The following POC1A variants were observed in gnomAD, a reference collection of about 807,000 sequenced individuals.
POC1A encodes the protein POC1 centriolar protein homolog A.
A neutral mutation model predicts 47.8 loss-of-function variants in POC1A; 34 were observed. The observed-to-expected ratio is 0.71, with a 90% CI of 0.54 to 0.95. The LOEUF is 0.95. Ranked by LOEUF, POC1A falls within the 40% of genes least tolerant of loss-of-function variation. The probability of loss-of-function intolerance (pLI) is 0.00; values close to 1 mark genes in which losing one functional copy is unlikely to be tolerated. For synonymous variants in POC1A, 177 were observed against 207.6 expected, an observed-to-expected ratio of 0.85 and a Z score of 1.27; for missense variants, 466 against 528.3, an observed-to-expected ratio of 0.88 and a Z score of 1.16.
Position 52,075,860 on chromosome 3 carries a change from C to T in POC1A, c.*27G>A, listed in dbSNP as rs755638645. On this transcript the variant is annotated 3_prime_UTR_variant, in exon 11 of 11. Coordinates refer to ENST00000296484, the MANE Select transcript of POC1A (RefSeq NM_015426.5). Reference sequence around the variant, plus strand: ...CCCTGGCCTGCCACCTGCAAATCCACCGAGCTCCTGATTCCTGCTCCCCTG... The same window carrying T: ...CCCTGGCCTGCCACCTGCAAATCCATCGAGCTCCTGATTCCTGCTCCCCTG... 8 of 1,561,154 alleles carry T rather than the reference C, an allele frequency of 5.1e-6. No homozygotes were observed. The South Asian group carries it at 7.8e-5, about 15-fold the overall frequency.
In POC1A at chr3:52,154,378, G is replaced by A; in HGVS notation, c.-6C>T. 4 of 1,483,848 alleles carry A rather than the reference G, an allele frequency of 2.7e-6. No individual in the cohort carries two copies. Among genetic ancestry groups the A allele is most frequent in the Non-Finnish European group, 1.8e-6 (2 of 1,123,414 alleles). 91.9% of individuals were successfully genotyped at this position (1,483,848 alleles called of 1,614,324 possible). ...ACCGCGCAGGGCGCAGCCATGGCGG[G>A]GCTGGCGGCGCCGAAGGCAGCTGCG... On this transcript the variant is annotated 5_prime_UTR_variant, in exon 1 of 11. Coordinates refer to ENST00000296484, the MANE Select transcript of POC1A (RefSeq NM_015426.5).
At chr3:52,117,351 T>C (rs1703605012) in intron 9 of POC1A, among the ~76,000 whole-genome samples, 1 of 151,962 alleles carries the variant, frequency 6.6e-6, no homozygotes, top group South Asian at 2.1e-4. Flanking sequence ...AGACCCTGAC[T>C]CAAAAAAAAT....
intron 7 of POC1A, among the ~76,000 whole-genome samples, chr3:52,127,206 G>A (rs1309803342): frequency 1.3e-5 from 2 of 152,206 alleles, no homozygotes; most frequent in East Asian, 3.8e-4. Context: ...AATCCCAAGT[G>A]TAAGACATCA....
chr3:52,098,303 T>A (rs1702887688), intron 9 of POC1A, among the ~76,000 whole-genome samples: 1 of 152,108 alleles, frequency 6.6e-6, no homozygotes, highest in South Asian at 2.1e-4. Context: ...AGCATTGTCA[T>A]GGAATGGGCC....
At chr3:52,093,986 C>T (rs1490684283) in intron 10 of POC1A, among the ~76,000 whole-genome samples, 1 of 152,180 alleles carries the variant, frequency 6.6e-6, no homozygotes, top group African/African-American at 2.4e-5. Flanking sequence ...CCGCTGCATC[C>T]CCATGGCTCT....
intron 6 of POC1A, among the ~76,000 whole-genome samples, chr3:52,144,061 T>C (rs765945801): frequency 1.3e-5 from 2 of 152,176 alleles, no homozygotes; most frequent in African/African-American, 4.8e-5. Flanking sequence ...TATAACCCTT[T>C]TGTGGCTTTT....
chr3:52,151,482 G>A (rs1698553451), intron 1 of POC1A, among the ~76,000 whole-genome samples: 1 of 151,912 alleles, frequency 6.6e-6, no homozygotes, highest in South Asian at 2.1e-4. Context: ...ATGGTGGCAG[G>A]CGCCTATAAT....
chr3:52,101,433 T>G lies in POC1A; in HGVS notation c.982-4721A>C, dbSNP rs186183778. On this transcript the variant is annotated intron_variant, in intron 9 of 10. Transcript: ENST00000296484. ...CACTGTCAAGAGACAAAGCAGTCAG[T>G]AGAAGCAGACTCAGATGACCTAGAT... 3.7e-3 allele frequency among the ~76,000 whole-genome samples: 569 copies of G among 152,248 alleles called. 2 individuals are homozygous for G. The highest frequency in any genetic ancestry group is 6.2e-3 in the Non-Finnish European group (420 of 68,024).
At chr3:52,119,453 G>A (rs1374445015) in intron 9 of POC1A, among the ~76,000 whole-genome samples, 2 of 151,526 alleles carry the variant, frequency 1.3e-5, no homozygotes, top group Non-Finnish European at 2.9e-5. Flanking sequence ...GGAGTGCAGT[G>A]GTATGATCAT....
chr3:52,133,139 C>T (rs1171418132), intron 7 of POC1A, among the ~76,000 whole-genome samples: 1 of 152,078 alleles, frequency 6.6e-6, no homozygotes, highest in Non-Finnish European at 1.5e-5. Context: ...AGGGCTCCGC[C>T]CTCATGAAGG....
chr3:52,094,146 T>C (rs1487858097), intron 10 of POC1A, among the ~76,000 whole-genome samples: 2 of 152,158 alleles, frequency 1.3e-5, no homozygotes, highest in African/African-American at 4.8e-5. Context: ...CATGGATGAC[T>C]TTGTAGTAGG....
At chr3:52,083,898 C>T (rs893900774) in intron 10 of POC1A, among the ~76,000 whole-genome samples, 4 of 152,250 alleles carry the variant, frequency 2.6e-5, no homozygotes, top group Admixed American at 2.6e-4. Flanking sequence ...GGCCCTGAAG[C>T]ACACTCTTGG....
At chr3:52,122,529 G>T in intron 8 of POC1A, 52 bp from the exon 9 acceptor site, 3 of 1,122,430 alleles carry the variant, frequency 2.7e-6, no homozygotes, top group Non-Finnish European at 4.1e-6. Flanking sequence ...CCCCTTGCCA[G>T]TCCTTCACTG....
chr3:52,085,608 CT>C (rs1218690102), intron 10 of POC1A, among the ~76,000 whole-genome samples: 1 of 152,210 alleles, frequency 6.6e-6, no homozygotes, highest in Non-Finnish European at 1.5e-5. Flanking sequence ...CCTTCCTCCC[CT>C]CATGGGTGTG....
intron 10 of POC1A, among the ~76,000 whole-genome samples, chr3:52,082,434 G>A (rs754664498): frequency 5.3e-5 from 8 of 152,206 alleles, no homozygotes; most frequent in Non-Finnish European, 1.0e-4. Flanking sequence ...CTGGCTCTCA[G>A]TAGCTGGACA....
chr3:52,142,769 GA>G (rs1372520469), intron 6 of POC1A, among the ~76,000 whole-genome samples: 1 of 152,128 alleles, frequency 6.6e-6, no homozygotes, highest in Non-Finnish European at 1.5e-5. Context: ...AGAGTACTGG[GA>G]GCCCTTCCTG....
chr3:52,151,612 A>G (rs76116092), intron 1 of POC1A, among the ~76,000 whole-genome samples: 1 of 142,358 alleles, frequency 7.0e-6, no homozygotes, highest in Non-Finnish European at 1.5e-5. Context: ...CTCCGTCTCA[A>G]AAAAAAAAAA....
At chr3:52,110,231 C>T (rs1223703318) in intron 9 of POC1A, among the ~76,000 whole-genome samples, 1 of 152,188 alleles carries the variant, frequency 6.6e-6, no homozygotes, top group Non-Finnish European at 1.5e-5. Context: ...AAAGTTAGGT[C>T]TGTAAATAAC....
intron 9 of POC1A, among the ~76,000 whole-genome samples, chr3:52,118,427 C>A (rs1703652384): frequency 6.6e-6 from 1 of 152,202 alleles, no homozygotes; most frequent in South Asian, 2.1e-4. Context: ...CTGTGAATTT[C>A]AACCAGAGGT....
Sources: allele counts gnomAD v4.1 joint callset (sites outside exome capture counted in the v4.1 genomes callset), GRCh38; gene constraint gnomAD v4.1.1; transcripts MANE v1.5; gene names NCBI Gene and HGNC (gene_info 2026-07-23, HGNC 2026-07-21).